ADGRB3: variants seen among roughly 807,000 people sequenced by gnomAD.
ADGRB3 encodes the protein brain-specific angiogenesis inhibitor 3.
In ADGRB3, 37 loss-of-function variants were observed where a neutral mutation model predicts 193.4. The observed-to-expected ratio is 0.19, with a 90% CI of 0.15 to 0.25. The LOEUF (loss-of-function observed/expected upper bound fraction) is 0.25. Among genes scored for constraint, ADGRB3 ranks in the 10% least tolerant of loss-of-function variants. ADGRB3 has a pLI of 1.00. For synonymous variants in ADGRB3, 690 were observed against 644.2 expected (o/e 1.07, Z -1.08); for missense variants, 1,637 against 1,852.9 (o/e 0.88, Z 2.14).
chr6:69,049,554 G>A (rs1413601386), intron 15 of ADGRB3, among the ~76,000 whole-genome samples: 1 of 152,032 alleles, frequency 6.6e-6, no homozygotes, highest in Non-Finnish European at 1.5e-5. Context: ...TCTGACTGTA[G>A]CCCTGCAAAT....
intron 3 of ADGRB3, among the ~76,000 whole-genome samples, chr6:68,736,298 G>A (rs1180588591): frequency 6.6e-6 from 1 of 152,094 alleles, no homozygotes; most frequent in Non-Finnish European, 1.5e-5. Flanking sequence ...AACTAGAGGC[G>A]TGATCCGCCA....
chr6:68,971,616 T>A (rs1042048610), intron 8 of ADGRB3, among the ~76,000 whole-genome samples: 4 of 152,026 alleles, frequency 2.6e-5, no homozygotes, highest in Admixed American at 6.5e-5. Flanking sequence ...AATTTTGGTA[T>A]CTGCAGGAGA....
chr6:68,685,187 A>G (rs1214076825), intron 3 of ADGRB3, among the ~76,000 whole-genome samples: 1 of 152,184 alleles, frequency 6.6e-6, no homozygotes, highest in Non-Finnish European at 1.5e-5. Flanking sequence ...AGGAATACCC[A>G]TAAAATTAAG....
Position 69,113,053 on chromosome 6 carries a change from C to T in ADGRB3, c.2480+37015C>T, listed in dbSNP as rs1401867369. On this transcript the variant is annotated intron_variant, in intron 17 of 31. Coordinates refer to ENST00000370598, the MANE Select transcript of ADGRB3 (RefSeq NM_001704.3). ...GATTACAGGCGCGAGCCACTATGCCCGGCTGAGATAATTTAAAGTATACGA... is the reference window on the plus strand; with the variant it reads ...GATTACAGGCGCGAGCCACTATGCCTGGCTGAGATAATTTAAAGTATACGA... Among the ~76,000 whole-genome samples, 9 of 152,062 alleles carry T rather than the reference C, an allele frequency of 5.9e-5. No individual in the cohort carries two copies. The East Asian group carries it at 7.7e-4, about 13-fold the overall frequency.
At chr6:69,017,561 A>T (rs1427901725) in intron 12 of ADGRB3, among the ~76,000 whole-genome samples, 1 of 151,964 alleles carries the variant, frequency 6.6e-6, no homozygotes, top group African/African-American at 2.4e-5. Flanking sequence ...CCAAATAAAA[A>T]AACACTCGTC....
chr6:68,714,416 G>C (rs1582141654), intron 3 of ADGRB3, among the ~76,000 whole-genome samples: 1 of 151,646 alleles, frequency 6.6e-6, no homozygotes, highest in Non-Finnish European at 1.5e-5. Flanking sequence ...ATGTGCAGGT[G>C]TGCACTAACC....
At chr6:68,642,382 A>G (rs2127275931) in intron 3 of ADGRB3, among the ~76,000 whole-genome samples, 1 of 152,284 alleles carries the variant, frequency 6.6e-6, no homozygotes, top group Non-Finnish European at 1.5e-5. Flanking sequence ...GAAAAACAAT[A>G]GACTCTCAGG....
intron 17 of ADGRB3, among the ~76,000 whole-genome samples, chr6:69,085,040 T>C (rs1163624185): frequency 6.6e-6 from 1 of 152,126 alleles, no homozygotes; most frequent in African/African-American, 2.4e-5. Context: ...AAAGGTATCA[T>C]ATACTTTGGG....
At chr6:68,825,872 T>C (rs188963441) in intron 3 of ADGRB3, among the ~76,000 whole-genome samples, 1 of 152,200 alleles carries the variant, frequency 6.6e-6, no homozygotes, top group South Asian at 2.1e-4. Context: ...CTTTTTCCTT[T>C]ATAAATTACC....
intron 17 of ADGRB3, among the ~76,000 whole-genome samples, chr6:69,154,789 G>A (rs1357450898): frequency 6.6e-6 from 1 of 152,122 alleles, no homozygotes; most frequent in Non-Finnish European, 1.5e-5. Context: ...GAGTTGCATA[G>A]TATACCTTAG....
intron 17 of ADGRB3, among the ~76,000 whole-genome samples, chr6:69,203,114 A>G (rs542797064): frequency 5.9e-5 from 9 of 152,272 alleles, no homozygotes; most frequent in African/African-American, 1.7e-4. Flanking sequence ...TCAGTTAAGA[A>G]TACAGATATT....
intron 3 of ADGRB3, among the ~76,000 whole-genome samples, chr6:68,644,352 G>GAATATAAAATTAATA (rs1285445090): frequency 6.6e-6 from 1 of 151,858 alleles, no homozygotes; most frequent in Non-Finnish European, 1.5e-5. Flanking sequence ...TTATTTATAT[G>GAATATAAAATTAATA]TTTATTTTAA....
chr6:68,639,285 G>C lies in ADGRB3; in HGVS notation c.610G>C (p.Glu204Gln). The change falls in exon 3 of 32, where the codon GAG becomes CAG. Residue 204 changes from glutamate (E) to glutamine (Q), a missense_variant. Coordinates refer to ENST00000370598, the MANE Select transcript of ADGRB3 (RefSeq NM_001704.3). ...TKCTCPQHLGEWGIDDQSLIL... is the reference protein window; with the variant it reads ...TKCTCPQHLGQWGIDDQSLIL... ...ATGCACCTGCCCTCAGCATTTGGGAGAGTGGGGGATCGACGACCAGTCGCT... is the reference window on the plus strand; with the variant it reads ...ATGCACCTGCCCTCAGCATTTGGGACAGTGGGGGATCGACGACCAGTCGCT... The C allele has an allele frequency of 1.2e-6, 2 of 1,614,164 alleles. No homozygotes were observed. The highest frequency in any genetic ancestry group is 1.7e-6 in the Non-Finnish European group (2 of 1,180,038).
chr6:69,034,140 A>G (rs1770795539), intron 13 of ADGRB3, among the ~76,000 whole-genome samples: 1 of 152,004 alleles, frequency 6.6e-6, no homozygotes, highest in African/African-American at 2.4e-5. Context: ...CCATTTAGCT[A>G]TAGTTTTCCT....
intron 16 of ADGRB3, among the ~76,000 whole-genome samples, chr6:69,067,963 A>G (rs1771955895): frequency 6.6e-6 from 1 of 152,290 alleles, no homozygotes; most frequent in Non-Finnish European, 1.5e-5. Context: ...TAAGAGTCAG[A>G]TCGTAAAGAA....
intron 17 of ADGRB3, among the ~76,000 whole-genome samples, chr6:69,185,206 T>C (rs1304548386): frequency 1.3e-5 from 2 of 152,180 alleles, no homozygotes; most frequent in African/African-American, 4.8e-5. Context: ...ATACTAGTAC[T>C]GTACCTATAT....
intron 19 of ADGRB3, among the ~76,000 whole-genome samples, chr6:69,238,569 A>G (rs1766320793): frequency 6.6e-6 from 1 of 152,088 alleles, no homozygotes; most frequent in African/African-American, 2.4e-5. Context: ...CAGGAAAAAT[A>G]TAAAGAGTAG....
intron 17 of ADGRB3, among the ~76,000 whole-genome samples, chr6:69,120,340 C>A (rs1160295614): frequency 1.3e-5 from 2 of 152,194 alleles, no homozygotes; most frequent in Admixed American, 6.5e-5. Context: ...GAGCTCTGGC[C>A]ATGGGGCCCA....
intron 3 of ADGRB3, among the ~76,000 whole-genome samples, chr6:68,665,303 C>T (rs562844884): frequency 6.6e-4 from 100 of 151,612 alleles, no homozygotes; most frequent in Admixed American, 1.1e-3. Flanking sequence ...CATTTCTTTG[C>T]TGTAAATGGA....
Sources: allele counts gnomAD v4.1 joint callset (sites outside exome capture counted in the v4.1 genomes callset), GRCh38; gene constraint gnomAD v4.1.1; transcripts MANE v1.5; gene names NCBI Gene and HGNC (gene_info 2026-07-23, HGNC 2026-07-21).